Variants in BPIFB4 observed in about 807,000 individuals in gnomAD.
BPIFB4 encodes the protein BPI fold containing family B member 4, also known as BPI fold-containing family B member 4.
In BPIFB4, 62 loss-of-function variants were observed where a neutral mutation model predicts 69.2. The ratio of observed to expected loss-of-function variants is 0.90; its 90% CI spans 0.73 to 1.11. BPIFB4 has a LOEUF of 1.11. BPIFB4 is among the 50% of genes least tolerant of loss of function. The pLI is 0.00. For synonymous variants in BPIFB4, 330 were observed against 332.7 expected (o/e 0.99, Z 0.09); for missense variants, 789 against 792.0 (o/e 1.00, Z 0.04).
chr20:33,100,315 ATGCTC>A (rs1981871802), intron 13 of BPIFB4, 106 bp from the exon 14 acceptor site: 2 of 853,570 alleles, frequency 2.3e-6, no homozygotes, highest in African/African-American at 3.3e-5. Flanking sequence ...ACCTGCCATC[ATGCTC>A]AGGGTTAACG....
At chr20:33,084,735 G>A (rs1023350535) in intron 5 of BPIFB4, among the ~76,000 whole-genome samples, 157 bp from the exon 6 acceptor site, 6 of 152,212 alleles carry the variant, frequency 3.9e-5, no homozygotes, top group African/African-American at 7.2e-5. Flanking sequence ...TAATTTCTCT[G>A]TTTTCCACAT....
In BPIFB4 at chr20:33,084,932, C is replaced by A. The variant is rs752406178; in HGVS notation, c.718C>A (p.Arg240=). 9 of 1,610,744 alleles carry A rather than the reference C, an allele frequency of 5.6e-6. No individual in the cohort carries two copies. In the Admixed American group the frequency reaches 1.0e-4, roughly 18 times the overall value. ...GCTGACCCTCCCTCGGGTGTCCGTG[C>A]GGCTCCTGCCCGGCGTGGGTGTCTA... ...VELTLPRVSV[R]LLPGVGVYLS... Residue 240 remains arginine, a synonymous_variant, in exon 6 of 18, where the codon CGG becomes AGG. Coordinates refer to ENST00000375483, the MANE Select transcript of BPIFB4 (RefSeq NM_182519.3).
At chr20:33,081,710 C>T in intron 3 of BPIFB4, 78 bp downstream of exon 3, 2 of 1,525,330 alleles carry the variant, frequency 1.3e-6, no homozygotes, top group African/African-American at 1.4e-5. Flanking sequence ...TACCCAGGAA[C>T]CTCCTCCTGC....
chr20:33,090,586 T>C, intron 9 of BPIFB4, 122 bp from the exon 10 acceptor site: 4 of 1,481,994 alleles, frequency 2.7e-6, no homozygotes, highest in Non-Finnish European at 2.7e-6. Flanking sequence ...ACTTTTGCTC[T>C]TTTCATGGTG....
At chr20:33,099,589 T>C (rs991164091) in intron 13 of BPIFB4, among the ~76,000 whole-genome samples, 1 of 152,144 alleles carries the variant, frequency 6.6e-6, no homozygotes, top group Non-Finnish European at 1.5e-5. Flanking sequence ...TCTCTACCTC[T>C]CTAATGCCAA....
At position 33,092,459 on chromosome 20, in the gene BPIFB4, C is replaced by T. The variant is rs151182059; in HGVS notation, c.1145C>T (p.Thr382Met). The T allele has an allele frequency of 1.1e-4, 184 of 1,612,374 alleles. No homozygotes were observed. The African/African-American group carries it at 1.8e-3, about 16-fold the overall frequency. Reference sequence around the variant, plus strand: ...CCCCTTTCTTCTCTTCTCCCCCAGACGCTGGTTGGGGAGGCTGGAGGAGGA... The same window carrying T: ...CCCCTTTCTTCTCTTCTCCCCCAGATGCTGGTTGGGGAGGCTGGAGGAGGA... ...TGEFLELDLN[T>M]LVGEAGGGLI... The change falls in exon 11 of 18, where the codon ACG becomes ATG. Residue 382 changes from threonine (T) to methionine (M), a missense_variant and splice_region_variant. By Grantham distance (81) the Thr-to-Met change is moderately conservative (BLOSUM62 -1). This residue lies in a region of BPIFB4 where 611 missense variants were observed against 575.4 expected (regional missense o/e 1.06). Coordinates refer to ENST00000375483, the MANE Select transcript of BPIFB4 (RefSeq NM_182519.3).
At chr20:33,105,405 C>T (rs1982020702) in intron 16 of BPIFB4, among the ~76,000 whole-genome samples, 1 of 152,188 alleles carries the variant, frequency 6.6e-6, no homozygotes, top group Non-Finnish European at 1.5e-5. Context: ...CCTTCCTAGC[C>T]CAGAATCTGC....
At chr20:33,087,835 A>G (rs759031022) in intron 7 of BPIFB4, among the ~76,000 whole-genome samples, 8 of 152,200 alleles carry the variant, frequency 5.3e-5, no homozygotes, top group Non-Finnish European at 1.0e-4. Context: ...AAGCCCGTCA[A>G]GGTGAATCCA....
chr20:33,083,239 G>T, intron 4 of BPIFB4, 128 bp from the exon 5 acceptor site: 1 of 779,866 alleles, frequency 1.3e-6, no homozygotes, highest in Non-Finnish European at 1.9e-6. Flanking sequence ...GTGGGGGGCT[G>T]CTGGGTGGCA....
intron 11 of BPIFB4, among the ~76,000 whole-genome samples, chr20:33,093,282 T>A (rs1308668951): frequency 1.3e-5 from 2 of 148,876 alleles, no homozygotes; most frequent in Non-Finnish European, 3.0e-5. Context: ...CATACATCCA[T>A]CTATTTATTT....
At position 33,086,681 on chromosome 20, in the gene BPIFB4, G is replaced by A. The variant is rs149711836; in HGVS notation, c.926+517G>A. Among the ~76,000 whole-genome samples, 52 of 152,344 alleles carry A rather than the reference G, an allele frequency of 3.4e-4. No homozygotes were observed. The Middle Eastern group carries it at 0.01, about 30-fold the overall frequency. The stretch of plus-strand genomic sequence containing the variant: ...CGTACGTCCAACAGGGGTTGTGTGC[G>A]TTGGTGCCCCAGATCACAGGGGCAT... On this transcript the variant is annotated intron_variant, in intron 7 of 17. Coordinates refer to ENST00000375483, the MANE Select transcript of BPIFB4 (RefSeq NM_182519.3).
In BPIFB4 at chr20:33,111,649, C is replaced by T. The variant is rs1040760200; in HGVS notation, c.*212C>T. On this transcript the variant is annotated 3_prime_UTR_variant, in exon 18 of 18. Coordinates refer to ENST00000375483, the MANE Select transcript of BPIFB4 (RefSeq NM_182519.3). ...AACATTCCCTTCCATGGTCAGCCTG[C>T]CAGGAGGAGGGGAGTCACCTTGGGG... 8.2e-6 allele frequency: 5 copies of T among 607,636 alleles called. No individual in the cohort carries two copies. In the Admixed American group the frequency reaches 1.4e-4, roughly 17 times the overall value. The allele number at this position is 607,636 out of a possible 1,614,324, so 37.6% of individuals were successfully genotyped here. A position where few individuals can be genotyped will look rare whatever the true frequency, so the allele number is the denominator to read the frequency against.
At chr20:33,111,121 A>T (rs977398495) in intron 17 of BPIFB4, among the ~76,000 whole-genome samples, 6 of 151,972 alleles carry the variant, frequency 3.9e-5, no homozygotes, top group Non-Finnish European at 5.9e-5. Flanking sequence ...TGGCCAAAAA[A>T]TTTTTTTTAA....
At chr20:33,108,153 C>G (rs1334027605) in intron 17 of BPIFB4, among the ~76,000 whole-genome samples, 2 of 152,108 alleles carry the variant, frequency 1.3e-5, no homozygotes, top group Non-Finnish European at 2.9e-5. Flanking sequence ...TTATTGAGCA[C>G]CTACTGTGTG....
intron 1 of BPIFB4, among the ~76,000 whole-genome samples, chr20:33,079,983 T>C (rs1222390718): frequency 6.6e-6 from 1 of 152,192 alleles, no homozygotes; most frequent in Non-Finnish European, 1.5e-5. Context: ...TCCTCAGCTG[T>C]TTGCTGATGC....
chr20:33,082,716 C>T (rs1161544282), intron 3 of BPIFB4, among the ~76,000 whole-genome samples: 1 of 152,142 alleles, frequency 6.6e-6, no homozygotes, highest in African/African-American at 2.4e-5. Flanking sequence ...TGGCTGATGT[C>T]CAAATCTAGT....
intron 5 of BPIFB4, among the ~76,000 whole-genome samples, chr20:33,084,216 A>G (rs1186330818): frequency 6.6e-6 from 1 of 152,214 alleles, no homozygotes; most frequent in Non-Finnish European, 1.5e-5. Context: ...CATATATATC[A>G]TAAGTTCTAT....
chr20:33,090,929 G>T, intron 10 of BPIFB4, 130 bp downstream of exon 10: 1 of 1,110,108 alleles, frequency 9.0e-7, no homozygotes, highest in East Asian at 2.6e-5. Context: ...TCGATTAGAA[G>T]AAGGCCTTCT....
chr20:33,084,806 G>A, intron 5 of BPIFB4, 86 bp from the exon 6 acceptor site: 1 of 1,520,634 alleles, frequency 6.6e-7, no homozygotes, highest in East Asian at 2.4e-5. Flanking sequence ...ACGGGGAGCA[G>A]AGAAAGGGGG....
Sources: allele counts gnomAD v4.1 joint callset (sites outside exome capture counted in the v4.1 genomes callset), GRCh38; gene constraint gnomAD v4.1.1; regional missense constraint gnomAD v4.1.1; transcripts MANE v1.5; gene names NCBI Gene and HGNC (gene_info 2026-07-23, HGNC 2026-07-21).